The following NELL1 variants were observed in gnomAD, a reference collection of about 807,000 sequenced individuals.
NELL1 encodes the protein protein kinase C-binding protein NELL1.
NELL1 carries 76 observed loss-of-function variants against 107.4 expected under a neutral mutation model. The observed-to-expected ratio is 0.71, with a 90% CI of 0.59 to 0.86. The LOEUF (loss-of-function observed/expected upper bound fraction) is 0.86. Among genes scored for constraint, NELL1 ranks in the 40% least tolerant of loss-of-function variants. The pLI is 0.00. For synonymous variants in NELL1, 353 were observed against 341.2 expected (o/e 1.03, Z -0.38); for missense variants, 1,024 against 1,005.5 (o/e 1.02, Z -0.25).
chr11:20,837,674 A>G (rs927189986), intron 3 of NELL1, among the ~76,000 whole-genome samples: 3 of 152,160 alleles, frequency 2.0e-5, no homozygotes, highest in Non-Finnish European at 2.9e-5. Context: ...CAAAACAAGA[A>G]ACATGATGGG....
At chr11:20,778,144 T>C (rs1043356640) in intron 2 of NELL1, among the ~76,000 whole-genome samples, 5 of 152,218 alleles carry the variant, frequency 3.3e-5, no homozygotes, top group African/African-American at 1.2e-4. Context: ...TTCATGTTTT[T>C]AGAGTCAGGT....
At chr11:21,158,934 T>C (rs1856303184) in intron 13 of NELL1, among the ~76,000 whole-genome samples, 2 of 152,166 alleles carry the variant, frequency 1.3e-5, no homozygotes, top group African/African-American at 4.8e-5. Context: ...ATTGAGAGGT[T>C]GTTTGACTTG....
intron 11 of NELL1, among the ~76,000 whole-genome samples, chr11:20,948,071 C>G (rs965930149): frequency 1.3e-4 from 20 of 151,974 alleles, no homozygotes; most frequent in Admixed American, 2.6e-4. Flanking sequence ...GAGTTAGAGT[C>G]TCGCTCTGTC....
chr11:21,043,419 G>A (rs1278153959), intron 12 of NELL1, among the ~76,000 whole-genome samples: 1 of 152,142 alleles, frequency 6.6e-6, no homozygotes, highest in Non-Finnish European at 1.5e-5. Context: ...GTTCTAGGGA[G>A]TGTGGCTTTT....
intron 12 of NELL1, among the ~76,000 whole-genome samples, chr11:21,002,913 C>T (rs778096633): frequency 6.6e-6 from 1 of 152,072 alleles, no homozygotes; most frequent in African/African-American, 2.4e-5. Context: ...TCTTAATTCC[C>T]CCAATTCCTC....
chr11:20,754,622 G>A (rs1273550376), intron 2 of NELL1, among the ~76,000 whole-genome samples: 2 of 152,106 alleles, frequency 1.3e-5, no homozygotes, highest in African/African-American at 2.4e-5. Context: ...TATATTAACT[G>A]TGATCTATTC....
At chr11:21,112,669 C>T (rs1855134782) in intron 12 of NELL1, among the ~76,000 whole-genome samples, 1 of 151,970 alleles carries the variant, frequency 6.6e-6, no homozygotes, top group African/African-American at 2.4e-5. Context: ...AGATATAAAA[C>T]ATTGGGTTCA....
At chr11:21,500,290 G>A (rs985835294) in intron 15 of NELL1, among the ~76,000 whole-genome samples, 6 of 151,916 alleles carry the variant, frequency 3.9e-5, no homozygotes, top group African/African-American at 1.4e-4. Flanking sequence ...TGTCATGAGA[G>A]TTCTTATTTA....
intron 13 of NELL1, among the ~76,000 whole-genome samples, chr11:21,219,204 T>G (rs2133869838): frequency 6.6e-6 from 1 of 152,324 alleles, no homozygotes; most frequent in African/African-American, 2.4e-5. Flanking sequence ...CTCACTGTAC[T>G]TTTGATTTTC....
chr11:21,570,885 A>G lies in NELL1; in HGVS notation c.2102A>G (p.Lys701Arg), dbSNP rs750189645. Reference sequence around the variant, plus strand: ...CAATGTTTAGACCAAAATGGTCACAAGCTGTATCGAAGTGGAGACAATTGG... The same window carrying G: ...CAATGTTTAGACCAAAATGGTCACAGGCTGTATCGAAGTGGAGACAATTGG... ...TSQCLDQNGH[K>R]LYRSGDNWTH... The change falls in exon 18 of 20, where the codon AAG (lysine) becomes AGG (arginine). Residue 701 changes from lysine to arginine, a missense_variant. Physicochemically the swap from Lys to Arg is conservative, Grantham distance 26. Transcript: ENST00000357134. 6 of 1,611,836 alleles carry G rather than the reference A, an allele frequency of 3.7e-6. No individual in the cohort carries two copies. In the African/African-American group the frequency reaches 8.0e-5, roughly 22 times the overall value.
intron 4 of NELL1, among the ~76,000 whole-genome samples, chr11:20,865,557 A>AT (rs11442380): frequency 0.65 from 98,049 of 151,592 alleles, 33,222 homozygotes; most frequent in Non-Finnish European, 0.76. Context: ...TGCCATCTGG[A>AT]TTTTTTTTGA....
At chr11:20,969,138 A>T (rs1321243799) in intron 12 of NELL1, among the ~76,000 whole-genome samples, 1 of 152,130 alleles carries the variant, frequency 6.6e-6, no homozygotes, top group Non-Finnish European at 1.5e-5. Context: ...TGGAGACCAG[A>T]TAGGATTTGA....
At chr11:20,851,380 ATAG>A (rs1666761469) in intron 4 of NELL1, among the ~76,000 whole-genome samples, 1 of 152,146 alleles carries the variant, frequency 6.6e-6, no homozygotes, top group Non-Finnish European at 1.5e-5. Flanking sequence ...TGATGTGTGG[ATAG>A]CAGATTACCT....
At chr11:20,915,717 A>ATATATATATATATATTT in intron 5 of NELL1, among the ~76,000 whole-genome samples, 19 of 58,216 alleles carry the variant, frequency 3.3e-4, no homozygotes, top group Non-Finnish European at 4.4e-4. Flanking sequence ...ATATATATAT[A>ATATATATATATATATTT]TTTTTTTTTT....
At chr11:21,045,441 A>G (rs1253933106) in intron 12 of NELL1, among the ~76,000 whole-genome samples, 1 of 152,164 alleles carries the variant, frequency 6.6e-6, no homozygotes, top group Non-Finnish European at 1.5e-5. Flanking sequence ...CAGAAATTAT[A>G]TACATAGGAA....
intron 13 of NELL1, among the ~76,000 whole-genome samples, chr11:21,186,040 G>C (rs542175994): frequency 6.6e-6 from 1 of 151,800 alleles, no homozygotes; most frequent in African/African-American, 2.4e-5. Flanking sequence ...TAGAAGGAAT[G>C]GTTAGCTGGA....
intron 4 of NELL1, among the ~76,000 whole-genome samples, chr11:20,881,462 C>A (rs1049010401): frequency 3.3e-5 from 5 of 152,164 alleles, no homozygotes; most frequent in Non-Finnish European, 7.3e-5. Context: ...GTGTCACTCA[C>A]AAGCTGCTTA....
chr11:20,762,800 T>TG (rs397849059), intron 2 of NELL1, among the ~76,000 whole-genome samples: 1 of 152,018 alleles, frequency 6.6e-6, no homozygotes, highest in Admixed American at 6.5e-5. Context: ...TTGTCTTTTT[T>TG]AGAGAACATG....
intron 12 of NELL1, among the ~76,000 whole-genome samples, chr11:21,082,647 G>A (rs1296642760): frequency 6.6e-6 from 1 of 152,096 alleles, no homozygotes. Flanking sequence ...AAAGCCTCTA[G>A]GATCTGGTTC....
Sources: allele counts gnomAD v4.1 joint callset (sites outside exome capture counted in the v4.1 genomes callset), GRCh38; gene constraint gnomAD v4.1.1; transcripts MANE v1.5; gene names NCBI Gene and HGNC (gene_info 2026-07-23, HGNC 2026-07-21).